Variants in GRID2 observed in about 807,000 individuals in gnomAD.
GRID2 encodes glutamate ionotropic receptor delta type subunit 2.
A neutral mutation model predicts 114.8 loss-of-function variants in GRID2; 33 were observed. The ratio of observed to expected loss-of-function variants is 0.29; its 90% CI spans 0.22 to 0.38. GRID2 has a LOEUF of 0.38. Among genes scored for constraint, GRID2 ranks in the 10% least tolerant of loss-of-function variants. The pLI is 1.00. For synonymous variants in GRID2, 505 were observed against 449.9 expected, an observed-to-expected ratio of 1.12 and a Z score of -1.55; for missense variants, 1,184 against 1,257.7, an observed-to-expected ratio of 0.94 and a Z score of 0.89.
chr4:93,161,012 G>A (rs1737643290), intron 4 of GRID2, among the ~76,000 whole-genome samples: 1 of 151,834 alleles, frequency 6.6e-6, no homozygotes, highest in African/African-American at 2.4e-5. Context: ...TGTATATGGT[G>A]ACAGTACTAG....
chr4:92,442,033 T>C (rs1733120540), intron 1 of GRID2, among the ~76,000 whole-genome samples: 1 of 151,578 alleles, frequency 6.6e-6, no homozygotes, highest in Non-Finnish European at 1.5e-5. Flanking sequence ...GTAAGAGGTT[T>C]AGAAGCCTGG....
At chr4:93,524,880 G>A (rs1216153493) in intron 13 of GRID2, among the ~76,000 whole-genome samples, 1 of 139,932 alleles carries the variant, frequency 7.1e-6, no homozygotes, top group Admixed American at 7.4e-5. Flanking sequence ...TATACTGGAT[G>A]CTGATGCAAC....
At chr4:93,038,827 G>A (rs1725198794) in intron 2 of GRID2, among the ~76,000 whole-genome samples, 1 of 151,804 alleles carries the variant, frequency 6.6e-6, no homozygotes, top group Non-Finnish European at 1.5e-5. Flanking sequence ...AACAGATACT[G>A]GAGAGGATGT....
intron 12 of GRID2, among the ~76,000 whole-genome samples, chr4:93,505,024 T>G (rs1041921637): frequency 6.6e-6 from 1 of 152,084 alleles, no homozygotes; most frequent in Non-Finnish European, 1.5e-5. Context: ...CAGGAGATTT[T>G]GGGGCTATGT....
rs1230362514 is a variant in GRID2 at position 92,934,919 on chromosome 4, T to G, written c.245-150076T>G. On this transcript the variant is annotated intron_variant, in intron 2 of 15. Coordinates refer to ENST00000282020, the MANE Select transcript of GRID2 (RefSeq NM_001510.4). ...GGATTAAAGACTTAAACGTTCGACCTAAAACCATAAAAACCCTAGAAGAAA... is the reference window on the plus strand; with the variant it reads ...GGATTAAAGACTTAAACGTTCGACCGAAAACCATAAAAACCCTAGAAGAAA... Among the ~76,000 whole-genome samples the G allele has an allele frequency of 1.4e-5, 2 of 146,718 alleles. 1 individual carries two copies. The highest frequency in any genetic ancestry group is 3.0e-5 in the Non-Finnish European group (2 of 66,288).
chr4:92,599,704 T>C (rs1401429379), intron 2 of GRID2, among the ~76,000 whole-genome samples: 1 of 152,082 alleles, frequency 6.6e-6, no homozygotes, highest in Non-Finnish European at 1.5e-5. Flanking sequence ...AACATAAATA[T>C]ACATTAAAAT....
intron 14 of GRID2, among the ~76,000 whole-genome samples, chr4:93,741,249 A>G (rs969116733): frequency 6.4e-5 from 9 of 141,628 alleles, no homozygotes; most frequent in African/African-American, 2.1e-4. Flanking sequence ...TTTTGACTCA[A>G]TGGACCAAGA....
intron 2 of GRID2, among the ~76,000 whole-genome samples, chr4:92,847,888 TA>T (rs1435224666): frequency 1.3e-5 from 2 of 152,014 alleles, no homozygotes; most frequent in Non-Finnish European, 2.9e-5. Flanking sequence ...TTTTATTCAG[TA>T]GACAGTATTA....
intron 1 of GRID2, among the ~76,000 whole-genome samples, chr4:92,490,070 T>C (rs1406596032): frequency 1.3e-5 from 2 of 152,166 alleles, no homozygotes; most frequent in South Asian, 2.1e-4. Context: ...AAATAACTTA[T>C]TTAACTGTAG....
intron 4 of GRID2, among the ~76,000 whole-genome samples, chr4:93,196,215 T>A (rs1435191114): frequency 6.6e-6 from 1 of 152,138 alleles, no homozygotes; most frequent in African/African-American, 2.4e-5. Flanking sequence ...GCTGCCTTTT[T>A]ATGGAAGAAA....
intron 2 of GRID2, among the ~76,000 whole-genome samples, chr4:92,865,449 G>GA (rs1560650896): frequency 6.6e-6 from 1 of 152,174 alleles, no homozygotes; most frequent in African/African-American, 2.4e-5. Flanking sequence ...ATTCCTGAAG[G>GA]AAAAATGTGA....
intron 8 of GRID2, among the ~76,000 whole-genome samples, chr4:93,329,720 TG>T (rs1352160585): frequency 6.6e-6 from 1 of 152,122 alleles, no homozygotes; most frequent in Non-Finnish European, 1.5e-5. Context: ...TAAGTGCAAC[TG>T]TTAAATATTT....
chr4:92,815,729 A>C (rs1398799153), intron 2 of GRID2, among the ~76,000 whole-genome samples: 4 of 151,708 alleles, frequency 2.6e-5, no homozygotes, highest in African/African-American at 7.3e-5. Flanking sequence ...CCTGGGCAAC[A>C]TGATGATACT....
At chr4:93,527,998 A>G (rs1731082978) in intron 13 of GRID2, among the ~76,000 whole-genome samples, 1 of 152,022 alleles carries the variant, frequency 6.6e-6, no homozygotes, top group Non-Finnish European at 1.5e-5. Context: ...ACTTAGCATA[A>G]TGTCCTCTAG....
At chr4:93,053,361 T>G (rs1397392394) in intron 2 of GRID2, among the ~76,000 whole-genome samples, 2 of 151,900 alleles carry the variant, frequency 1.3e-5, no homozygotes, top group African/African-American at 4.8e-5. Context: ...AGTCTTGTTT[T>G]GTGATTATTC....
chr4:93,104,349 C>T (rs1406831759), intron 3 of GRID2, among the ~76,000 whole-genome samples: 2 of 151,990 alleles, frequency 1.3e-5, no homozygotes, highest in East Asian at 3.9e-4. Flanking sequence ...GGTACATGTG[C>T]ACAATGTGCA....
At chr4:92,670,260 C>T (rs945871789) in intron 2 of GRID2, among the ~76,000 whole-genome samples, 9 of 152,068 alleles carry the variant, frequency 5.9e-5, no homozygotes, top group East Asian at 3.9e-4. Flanking sequence ...ATTTATTAAA[C>T]GTTCCGCATA....
At position 93,422,760 on chromosome 4, in the gene GRID2, T is replaced by C. The variant is rs1423270718; in HGVS notation, c.1348-11T>C. On this transcript the variant is annotated splice_polypyrimidine_tract_variant and intron_variant, in intron 9 of 15. Transcript: ENST00000282020. ...AGATTGACATCAGAAATTTCTCTTA[T>C]TTCCATGTAGGAAGAACCTTTTGTG... 3 of 1,585,644 alleles carry C rather than the reference T, an allele frequency of 1.9e-6. No individual in the cohort carries two copies. The highest frequency in any genetic ancestry group is 1.7e-5 in the Admixed American group (1 of 59,784).
rs549239833 is a variant in GRID2, at chr4:93,284,934, G to T, written c.1245+46444G>T. ...ATTGGATGAATGAGTGAATGAGTGA[G>T]TGGGTAGGTGAGTAAGTGAATAAAT... On this transcript the variant is annotated intron_variant, in intron 8 of 15. Transcript: ENST00000282020. Among the ~76,000 whole-genome samples the T allele has an allele frequency of 7.9e-5, 12 of 152,142 alleles. No individual in the cohort carries two copies. In the East Asian group the frequency reaches 2.3e-3, roughly 29 times the overall value.
Sources: allele counts gnomAD v4.1 joint callset (sites outside exome capture counted in the v4.1 genomes callset), GRCh38; gene constraint gnomAD v4.1.1; transcripts MANE v1.5; gene names NCBI Gene and HGNC (gene_info 2026-07-23, HGNC 2026-07-21).